Variants in CEP70 observed in about 807,000 individuals in gnomAD.
CEP70 encodes centrosomal protein 70.
In CEP70, 70 loss-of-function variants were observed where a neutral mutation model predicts 90.9. The ratio of observed to expected loss-of-function variants is 0.77; its 90% CI spans 0.64 to 0.94. The LOEUF is 0.94. Among genes scored for constraint, CEP70 ranks in the 40% least tolerant of loss-of-function variants. The pLI is 0.00. For missense variants in CEP70, 648 were observed against 669.0 expected (o/e 0.97, Z 0.35); for synonymous variants, 220 against 228.3 (o/e 0.96, Z 0.33).
At chr3:138,577,419 C>A (rs948279146) in intron 2 of CEP70, among the ~76,000 whole-genome samples, 6 of 151,976 alleles carry the variant, frequency 3.9e-5, no homozygotes, top group African/African-American at 1.5e-4. Context: ...GAGGCCAAGG[C>A]GGGCAGATCA....
At chr3:138,521,982 A>AC (rs1240154825) in intron 11 of CEP70, among the ~76,000 whole-genome samples, 1 of 152,050 alleles carries the variant, frequency 6.6e-6, no homozygotes, top group Non-Finnish European at 1.5e-5. Context: ...CTATAACCTT[A>AC]CCCCCAACCC....
At chr3:138,580,163 A>G (rs537699157) in intron 2 of CEP70, among the ~76,000 whole-genome samples, 1 of 152,208 alleles carries the variant, frequency 6.6e-6, no homozygotes, top group African/African-American at 2.4e-5. Flanking sequence ...ACCTTTTCTC[A>G]TGGTTGTGGC....
chr3:138,517,169 T>A (rs527875237), intron 11 of CEP70, among the ~76,000 whole-genome samples: 2 of 152,250 alleles, frequency 1.3e-5, no homozygotes, highest in African/African-American at 2.4e-5. Flanking sequence ...CCCAAGATAA[T>A]TTTCTATTTA....
intron 17 of CEP70, chr3:138,496,376 G>T (rs968625693): frequency 1.3e-5 from 13 of 985,266 alleles, no homozygotes; most frequent in Non-Finnish European, 1.6e-5. Context: ...AAAGCATCAA[G>T]ATATGGGAAC....
chr3:138,521,420 G>A (rs569955697), intron 11 of CEP70, among the ~76,000 whole-genome samples: 17 of 148,828 alleles, frequency 1.1e-4, no homozygotes, highest in African/African-American at 1.5e-4. Flanking sequence ...CTGCCCAGCC[G>A]CCCAGTCTGG....
intron 11 of CEP70, among the ~76,000 whole-genome samples, chr3:138,519,009 C>G (rs1409990326): frequency 1.3e-5 from 2 of 152,064 alleles, no homozygotes; most frequent in African/African-American, 2.4e-5. Context: ...AGCTGAAAAC[C>G]AAGGCACGAC....
rs371529846 is a variant in CEP70 at position 138,592,577 on chromosome 3, A to G, written c.-108-621T>C. 9.9e-4 allele frequency among the ~76,000 whole-genome samples: 151 copies of G among 152,046 alleles called. 1 individual carries two copies. Among genetic ancestry groups the G allele is most frequent in the African/African-American group, 3.3e-3 (135 of 41,370 alleles). ...GTAGGAGTCGGGGGGTAGGAGTCGG[A>G]GGGTAGGAGTTGATTTGTACATGGC... On this transcript the variant is annotated intron_variant, in intron 1 of 17. Transcript: ENST00000264982.
intron 6 of CEP70, among the ~76,000 whole-genome samples, chr3:138,549,432 T>C (rs2039460170): frequency 6.6e-6 from 1 of 151,850 alleles, no homozygotes; most frequent in African/African-American, 2.4e-5. Flanking sequence ...GGCCTATAAC[T>C]TCCTGCTTTC....
chr3:138,529,135 G>A, intron 10 of CEP70, 64 bp downstream of exon 10: 1 of 957,852 alleles, frequency 1.0e-6, no homozygotes, highest in South Asian at 1.6e-5. Context: ...CACTGCACTT[G>A]GCCTGAGTGA....
intron 6 of CEP70, among the ~76,000 whole-genome samples, chr3:138,565,986 A>C (rs184005293): frequency 6.6e-6 from 1 of 152,182 alleles, no homozygotes; most frequent in African/African-American, 2.4e-5. Context: ...AAGAAAAAAA[A>C]CAAACAACCC....
intron 6 of CEP70, among the ~76,000 whole-genome samples, chr3:138,562,136 G>A (rs1032665251): frequency 2.0e-5 from 3 of 151,478 alleles, no homozygotes; most frequent in Admixed American, 6.6e-5. Context: ...GAAATAAAGC[G>A]AGAAAACAAG....
At chr3:138,592,906 T>C (rs2042454462) in intron 1 of CEP70, 1 of 152,224 alleles carries the variant, frequency 6.6e-6, no homozygotes, top group Non-Finnish European at 1.5e-5. Flanking sequence ...CTCTATTCCT[T>C]ATTAAATGCA....
rs774587434 is a variant in CEP70, at chr3:138,505,312, G to C, written c.1204C>G (p.Gln402Glu). Residue 402 changes from glutamine to glutamate, a missense_variant, in exon 13 of 18, where the codon CAA becomes GAA. Physicochemically the swap from Gln to Glu is conservative, Grantham distance 29 (BLOSUM62 2). Coordinates refer to ENST00000264982, the MANE Select transcript of CEP70 (RefSeq NM_024491.4). ...CCCCTTACCTTTAAGGATGTCAGTT[G>C]ATCTGCCCACATTTCTATTACAGGA... ...LVPVIEMWAD[Q>E]LTSLKDLYKS... is the part of the protein sequence containing the mutation. 1.2e-6 allele frequency: 2 copies of C among 1,609,070 alleles called. No individual in the cohort carries two copies. Among genetic ancestry groups the C allele is most frequent in the South Asian group, 1.1e-5 (1 of 90,102 alleles).
rs2108297105 is a variant in CEP70 at position 138,591,951 on chromosome 3, CT to C, written c.-104del. The C allele has an allele frequency of 1.0e-6, 1 of 987,550 alleles. No individual in the cohort carries two copies. Among genetic ancestry groups the C allele is most frequent in the African/African-American group, 1.7e-5 (1 of 59,254 alleles). 61.2% of individuals were successfully genotyped at this position (987,550 alleles called of 1,614,324 possible). A position where few individuals can be genotyped will look rare whatever the true frequency, so the allele number is the denominator to read the frequency against. ...ACGAGTCTCATGTCTGAAACTGGAT[CT>C]TCATCTAGGTTTCAAAAAGATAAAA... On this transcript the variant is annotated 5_prime_UTR_variant, in exon 2 of 18. The change abolishes the stop of an existing upstream ORF in the 5' untranslated region. Coordinates refer to ENST00000264982, the MANE Select transcript of CEP70 (RefSeq NM_024491.4).
In CEP70 at chr3:138,500,382, A is replaced by G. The variant is rs780253349; in HGVS notation, c.1537+17T>C. The G allele has an allele frequency of 1.3e-6, 2 of 1,559,198 alleles. No homozygotes were observed. Among genetic ancestry groups the G allele is most frequent in the Non-Finnish European group, 1.7e-6 (2 of 1,158,450 alleles). ...AATTCTTAAATGGGGGCCCAAAATG[A>G]CAAATTAGGTCATCACCTAATTCTA... On this transcript the variant is annotated intron_variant, in intron 15 of 17. Coordinates refer to ENST00000264982, the MANE Select transcript of CEP70 (RefSeq NM_024491.4).
chr3:138,561,998 G>A (rs372666910), intron 6 of CEP70, among the ~76,000 whole-genome samples: 93 of 148,010 alleles, frequency 6.3e-4, no homozygotes, highest in East Asian at 4.6e-3. Flanking sequence ...ACTCTGGCCC[G>A]GGCGACAATG....
intron 13 of CEP70, among the ~76,000 whole-genome samples, chr3:138,502,260 A>G (rs369832355): frequency 6.6e-6 from 1 of 152,202 alleles, no homozygotes; most frequent in South Asian, 2.1e-4. Flanking sequence ...AACACATCTG[A>G]ATTAGGACTA....
intron 12 of CEP70, among the ~76,000 whole-genome samples, chr3:138,505,870 G>A (rs1206454170): frequency 1.3e-5 from 2 of 152,124 alleles, no homozygotes; most frequent in Non-Finnish European, 2.9e-5. Context: ...CATTAGGAAA[G>A]GCAGTCTGAT....
intron 11 of CEP70, among the ~76,000 whole-genome samples, chr3:138,515,958 C>T (rs900637438): frequency 6.6e-6 from 1 of 152,116 alleles, no homozygotes; most frequent in Non-Finnish European, 1.5e-5. Context: ...TTTTCCCCCA[C>T]AACTCCCTAT....
Sources: gnomAD v4.1 joint callset for allele counts (sites outside exome capture counted in the v4.1 genomes callset) on GRCh38, gnomAD v4.1.1 for gene constraint, MANE v1.5 for transcripts, NCBI Gene and HGNC (gene_info 2026-07-23, HGNC 2026-07-21) for gene names.